MTHFD1L: variants seen among roughly 807,000 people sequenced by gnomAD.
MTHFD1L encodes the protein methylenetetrahydrofolate dehydrogenase (NADP+ dependent) 1 like.
A neutral mutation model predicts 119.5 loss-of-function variants in MTHFD1L; 81 were observed. That is an observed-to-expected ratio of 0.68 (90% confidence interval 0.57 to 0.82). The LOEUF is 0.82. Among genes scored for constraint, MTHFD1L ranks in the 40% least tolerant of loss-of-function variants. The pLI, the probability that MTHFD1L is intolerant of heterozygous loss-of-function variation, is 0.00. For synonymous variants in MTHFD1L, 430 were observed against 475.2 expected (o/e 0.90, Z 1.24); for missense variants, 1,125 against 1,253.4 (o/e 0.90, Z 1.55).
intron 25 of MTHFD1L, among the ~76,000 whole-genome samples, chr6:151,036,092 T>A (rs1786119766): frequency 6.6e-6 from 1 of 152,200 alleles, no homozygotes; most frequent in Non-Finnish European, 1.5e-5. Context: ...AAAGATTTCA[T>A]TCCCTTTATC....
At chr6:151,059,186 C>CTGG (rs71014535) in intron 26 of MTHFD1L, among the ~76,000 whole-genome samples, 4,356 of 151,084 alleles carry the variant, frequency 0.029, 241 homozygotes, top group African/African-American at 0.097. Flanking sequence ...CAGTTCTAAA[C>CTGG]TGGTGGTGGT....
chr6:150,878,004 G>C (rs1780744214), intron 4 of MTHFD1L, among the ~76,000 whole-genome samples, 178 bp downstream of exon 4: 1 of 152,174 alleles, frequency 6.6e-6, no homozygotes, highest in Non-Finnish European at 1.5e-5. Context: ...CTTGTTTCTT[G>C]TCATTTGTAT....
At chr6:150,928,067 CTGTT>C (rs1221764103) in intron 11 of MTHFD1L, among the ~76,000 whole-genome samples, 1 of 152,154 alleles carries the variant, frequency 6.6e-6, no homozygotes, top group Non-Finnish European at 1.5e-5. Flanking sequence ...ATTTGTGCAT[CTGTT>C]TAATTATCTC....
At position 151,092,573 on chromosome 6, in the gene MTHFD1L, C is replaced by G; in HGVS notation, c.*17C>G. 6.2e-7 allele frequency: 1 copy of G among 1,604,012 alleles called. No homozygotes were observed. The highest frequency in any genetic ancestry group is 8.5e-7 in the Non-Finnish European group (1 of 1,172,700). ...TTGTTCTAAGTGGACAAGGCTCTCA[C>G]AGGACCCGATGCAGGTAGGCTGATG... On this transcript the variant is annotated 3_prime_UTR_variant, in exon 27 of 28. Transcript: ENST00000367321.
intron 20 of MTHFD1L, among the ~76,000 whole-genome samples, chr6:150,982,229 A>G (rs1292608480): frequency 1.4e-5 from 2 of 146,692 alleles, no homozygotes; most frequent in African/African-American, 2.5e-5. Flanking sequence ...TTTAACATGT[A>G]AAAAAAAAAA....
intron 26 of MTHFD1L, among the ~76,000 whole-genome samples, chr6:151,062,132 A>G (rs1441285797): frequency 6.6e-6 from 1 of 152,192 alleles, no homozygotes; most frequent in Non-Finnish European, 1.5e-5. Context: ...AGAACAGTGA[A>G]TCATTAAGAC....
In MTHFD1L at chr6:151,078,491, TG is replaced by T. The variant is rs541146757; in HGVS notation, c.2848-13973del. On this transcript the variant is annotated intron_variant, in intron 26 of 27. Coordinates refer to ENST00000367321, the MANE Select transcript of MTHFD1L (RefSeq NM_015440.5). Reference sequence around the variant, plus strand: ...TTCCATTTCTCTGGGTCAGCTTAGCTGGGTTCTCTGCTTCAGACTGCGAAAA... The same window carrying T: ...TTCCATTTCTCTGGGTCAGCTTAGCTGGTTCTCTGCTTCAGACTGCGAAAA... Among the ~76,000 whole-genome samples, 673 of 152,306 alleles carry T rather than the reference TG, an allele frequency of 4.4e-3. 1 individual carries two copies. The highest frequency in any genetic ancestry group is 6.4e-3 in the Non-Finnish European group (434 of 68,034).
intron 26 of MTHFD1L, among the ~76,000 whole-genome samples, chr6:151,086,623 G>T (rs1793833501): frequency 6.6e-6 from 1 of 152,068 alleles, no homozygotes; most frequent in Non-Finnish European, 1.5e-5. Context: ...GACCTCCTGG[G>T]CTCAAGAGAT....
At chr6:151,057,759 G>A (rs998867294) in intron 26 of MTHFD1L, among the ~76,000 whole-genome samples, 2 of 151,992 alleles carry the variant, frequency 1.3e-5, no homozygotes, top group African/African-American at 2.4e-5. Flanking sequence ...TCTTACCTTC[G>A]AGGAGAGCCG....
intron 19 of MTHFD1L, among the ~76,000 whole-genome samples, chr6:150,966,954 G>A (rs1040096503): frequency 4.6e-5 from 7 of 152,200 alleles, no homozygotes; most frequent in Non-Finnish European, 8.8e-5. Flanking sequence ...CTGCAGCCCC[G>A]GGGGAGGGGT....
chr6:150,950,737 T>A (rs1583749028), intron 16 of MTHFD1L, among the ~76,000 whole-genome samples: 3 of 152,318 alleles, frequency 2.0e-5, no homozygotes, highest in Non-Finnish European at 4.4e-5. Flanking sequence ...TGGTGCGATC[T>A]AGGCTCACTG....
chr6:150,977,369 T>C (rs1220115410), intron 20 of MTHFD1L, among the ~76,000 whole-genome samples: 1 of 152,212 alleles, frequency 6.6e-6, no homozygotes, highest in African/African-American at 2.4e-5. Flanking sequence ...CAGAGTGACA[T>C]TTATTTTAAA....
intron 16 of MTHFD1L, among the ~76,000 whole-genome samples, chr6:150,951,373 A>G (rs1794856673): frequency 6.6e-6 from 1 of 152,220 alleles, no homozygotes; most frequent in South Asian, 2.1e-4. Context: ...GAAATAAGTA[A>G]TAACATTATA....
chr6:150,909,487 C>T (rs773954931), intron 8 of MTHFD1L, among the ~76,000 whole-genome samples: 2 of 151,970 alleles, frequency 1.3e-5, no homozygotes, highest in Admixed American at 6.6e-5. Context: ...AAATAGTCCT[C>T]CCGCCTCCAC....
In MTHFD1L at chr6:151,092,448, G is replaced by A. The variant is rs1282847586; in HGVS notation, c.2848-19G>A. 4.4e-6 allele frequency: 7 copies of A among 1,597,510 alleles called. No individual in the cohort carries two copies. The highest frequency in any genetic ancestry group is 1.7e-5 in the Admixed American group (1 of 57,764). On this transcript the variant is annotated intron_variant, in intron 26 of 27. Coordinates refer to ENST00000367321, the MANE Select transcript of MTHFD1L (RefSeq NM_015440.5). ...TTTGTAGCATTTGCTAATCTGTAAC[G>A]CTTGGTTTTCTCCCCCAGATGAGCA...
chr6:151,057,506 C>A lies in MTHFD1L; in HGVS notation c.2847+20389C>A, dbSNP rs534716680. ...AAGTTACTGGGCTCAGTGGTGTGCA[C>A]CTGTAGTCCCAGCTACTCAGGAGGC... On this transcript the variant is annotated intron_variant, in intron 26 of 27. Coordinates refer to ENST00000367321, the MANE Select transcript of MTHFD1L (RefSeq NM_015440.5). 6.9e-5 allele frequency: 15 copies of A among 216,724 alleles called. No individual in the cohort carries two copies. The East Asian group carries it at 2.4e-3, about 35-fold the overall frequency. The allele number at this position is 216,724 out of a possible 1,614,324, so 13.4% of individuals were successfully genotyped here. A position where few individuals can be genotyped will look rare whatever the true frequency, so the allele number is the denominator to read the frequency against.
At chr6:150,901,645 C>T (rs1026079219) in intron 7 of MTHFD1L, among the ~76,000 whole-genome samples, 5 of 152,162 alleles carry the variant, frequency 3.3e-5, no homozygotes, top group African/African-American at 1.2e-4. Flanking sequence ...TGTGGTAGAG[C>T]CCCCTCCCTG....
intron 26 of MTHFD1L, among the ~76,000 whole-genome samples, chr6:151,067,148 C>T (rs1791394253): frequency 6.6e-6 from 1 of 151,868 alleles, no homozygotes. Flanking sequence ...CGTGCACCAC[C>T]ACGCCTGGCT....
At chr6:150,914,470 C>T (rs977363212) in intron 8 of MTHFD1L, among the ~76,000 whole-genome samples, 1 of 152,102 alleles carries the variant, frequency 6.6e-6, no homozygotes, top group African/African-American at 2.4e-5. Flanking sequence ...CCAGCTTGGG[C>T]AACATAGTGA....
Sources: gnomAD v4.1 joint callset for allele counts (sites outside exome capture counted in the v4.1 genomes callset) on GRCh38, gnomAD v4.1.1 for gene constraint, MANE v1.5 for transcripts, NCBI Gene and HGNC (gene_info 2026-07-23, HGNC 2026-07-21) for gene names.